Variants in PLCB1 observed in about 807,000 individuals in gnomAD.
PLCB1 encodes the protein phospholipase C beta 1.
A neutral mutation model predicts 161.8 loss-of-function variants in PLCB1; 46 were observed. The observed-to-expected ratio is 0.28, with a 90% CI of 0.22 to 0.36. The LOEUF is 0.36. Ranked by LOEUF, PLCB1 falls within the 10% of genes least tolerant of loss-of-function variation. The pLI, the probability that PLCB1 is intolerant of heterozygous loss-of-function variation, is 1.00. For synonymous variants in PLCB1, 517 were observed against 503.7 expected, an observed-to-expected ratio of 1.03 and a Z score of -0.35; for missense variants, 1,016 against 1,472.5, an observed-to-expected ratio of 0.69 and a Z score of 5.07.
chr20:8,513,259 C>A (rs1983969616), intron 3 of PLCB1, among the ~76,000 whole-genome samples: 1 of 152,104 alleles, frequency 6.6e-6, no homozygotes, highest in Non-Finnish European at 1.5e-5. Flanking sequence ...GTGGAGGCCA[C>A]ACAGGGATAT....
intron 2 of PLCB1, among the ~76,000 whole-genome samples, chr20:8,367,295 T>A (rs1001549807): frequency 6.6e-6 from 1 of 152,194 alleles, no homozygotes; most frequent in Admixed American, 6.5e-5. Context: ...AGTGAGTATA[T>A]AATTAGTGCT....
chr20:8,534,260 C>T (rs552436296), intron 3 of PLCB1, among the ~76,000 whole-genome samples: 38 of 152,234 alleles, frequency 2.5e-4, no homozygotes, highest in East Asian at 7.7e-4. Flanking sequence ...CTGCCATGCC[C>T]GGTTATTCTG....
rs547785707 is a variant in PLCB1, at chr20:8,640,424, C to T, written c.385-5678C>T. On this transcript the variant is annotated intron_variant, in intron 4 of 31. Transcript: ENST00000338037. ...ATGGAATTATTTTTGTAATGAACAA[C>T]GATATCAATTATAATTACAGACCCC... is the stretch of plus-strand genomic sequence containing the variant. 4.5e-4 allele frequency among the ~76,000 whole-genome samples: 68 copies of T among 152,154 alleles called. No homozygotes were observed. In the East Asian group the frequency reaches 0.01, roughly 22 times the overall value.
chr20:8,233,795 A>G lies in PLCB1; in HGVS notation c.177+83424A>G, dbSNP rs1430017609. Reference sequence around the variant, plus strand: ...ATCTTCTGGCTTTAACAGCATAGATAAGCTGTGCCTGTTTTATTCTTACGT... The same window carrying G: ...ATCTTCTGGCTTTAACAGCATAGATGAGCTGTGCCTGTTTTATTCTTACGT... On this transcript the variant is annotated intron_variant, in intron 2 of 31. Coordinates refer to ENST00000338037, the MANE Select transcript of PLCB1 (RefSeq NM_015192.4). Among the ~76,000 whole-genome samples the G allele has an allele frequency of 2.0e-5, 3 of 152,136 alleles. No homozygotes were observed. The East Asian group carries it at 5.8e-4, about 29-fold the overall frequency.
intron 31 of PLCB1, among the ~76,000 whole-genome samples, chr20:8,825,830 G>A (rs943371457): frequency 2.6e-5 from 4 of 152,162 alleles, no homozygotes; most frequent in Admixed American, 6.5e-5. Context: ...GTGTGGAGTC[G>A]GTTTATGACA....
intron 3 of PLCB1, among the ~76,000 whole-genome samples, chr20:8,500,177 A>G (rs1175592758): frequency 6.6e-6 from 1 of 152,220 alleles, no homozygotes; most frequent in Non-Finnish European, 1.5e-5. Flanking sequence ...GGAAACATCT[A>G]TCAAATCAGT....
chr20:8,226,137 T>A (rs1418080466), intron 2 of PLCB1, among the ~76,000 whole-genome samples: 1 of 152,128 alleles, frequency 6.6e-6, no homozygotes, highest in Non-Finnish European at 1.5e-5. Context: ...AAATTAAGTG[T>A]CTTTTGCAGG....
At chr20:8,409,923 T>G (rs995493695) in intron 3 of PLCB1, among the ~76,000 whole-genome samples, 2 of 152,164 alleles carry the variant, frequency 1.3e-5, no homozygotes, top group African/African-American at 2.4e-5. Flanking sequence ...TGAATCTGAT[T>G]TAATACACTT....
intron 3 of PLCB1, among the ~76,000 whole-genome samples, chr20:8,550,772 G>T (rs1379728723): frequency 6.6e-6 from 1 of 152,116 alleles, no homozygotes; most frequent in African/African-American, 2.4e-5. Flanking sequence ...AATTCACCAT[G>T]TATAATGAAT....
chr20:8,527,695 C>G (rs1411346390), intron 3 of PLCB1, among the ~76,000 whole-genome samples: 1 of 152,000 alleles, frequency 6.6e-6, no homozygotes, highest in East Asian at 1.9e-4. Flanking sequence ...TCATCTGGGC[C>G]ATAGTTGTTG....
rs71331317 is a variant in PLCB1 at position 8,614,584 on chromosome 20, CTGTGTGTGTGTGTGTGTG to C, written c.247-13684_247-13667del. On this transcript the variant is annotated intron_variant, in intron 3 of 31. Transcript: ENST00000338037. ...ACTTTGATTCTAGTTATGTAAAATT[CTGTGTGTGTGTGTGTGTG>C]TGTGTGTGTGTGTGTGTGTGTGTGT... Among the ~76,000 whole-genome samples the C allele has an allele frequency of 7.3e-4, 108 of 147,234 alleles. 1 individual carries two copies. The East Asian group carries it at 0.016, about 22-fold the overall frequency.
chr20:8,488,686 A>G (rs1016984496), intron 3 of PLCB1, among the ~76,000 whole-genome samples: 3 of 152,186 alleles, frequency 2.0e-5, no homozygotes, highest in Non-Finnish European at 4.4e-5. Flanking sequence ...GAATCATTTA[A>G]AACTTAATTG....
chr20:8,447,179 A>G (rs1487049646), intron 3 of PLCB1, among the ~76,000 whole-genome samples: 1 of 152,214 alleles, frequency 6.6e-6, no homozygotes, highest in Non-Finnish European at 1.5e-5. Context: ...ATATGGTGAC[A>G]TGCTGCCACT....
chr20:8,407,998 A>G (rs1452056154), intron 3 of PLCB1, among the ~76,000 whole-genome samples: 1 of 152,198 alleles, frequency 6.6e-6, no homozygotes, highest in East Asian at 1.9e-4. Flanking sequence ...TGATGAGTAA[A>G]TGCAATGTGG....
Position 8,788,623 on chromosome 20 carries a change from G to A in PLCB1, c.3189-10G>A. ...CTCTTTTTTCTCTTTTACTTCCATT[G>A]TGACTTCAGAGAAAAGAAAGAATTA... is the stretch of plus-strand genomic sequence containing the variant. On this transcript the variant is annotated splice_polypyrimidine_tract_variant and intron_variant, in intron 28 of 31. Coordinates refer to ENST00000338037, the MANE Select transcript of PLCB1 (RefSeq NM_015192.4). 1.2e-6 allele frequency: 2 copies of A among 1,602,236 alleles called. No homozygotes were observed. Among genetic ancestry groups the A allele is most frequent in the Non-Finnish European group, 1.7e-6 (2 of 1,172,668 alleles).
intron 3 of PLCB1, among the ~76,000 whole-genome samples, chr20:8,554,094 A>T (rs1360073387): frequency 1.3e-5 from 2 of 151,838 alleles, no homozygotes; most frequent in Non-Finnish European, 2.9e-5. Context: ...AAAAAAAAAA[A>T]CAGTAGTAAG....
intron 2 of PLCB1, among the ~76,000 whole-genome samples, chr20:8,215,154 T>A (rs1979049372): frequency 6.6e-6 from 1 of 152,054 alleles, no homozygotes; most frequent in African/African-American, 2.4e-5. Flanking sequence ...TTCTGATCTC[T>A]TGACCTTCTG....
chr20:8,433,724 A>ATCC lies in PLCB1; in HGVS notation c.246+62292_246+62294dup, dbSNP rs985845588. Among the ~76,000 whole-genome samples the ATCC allele has an allele frequency of 2.5e-4, 36 of 146,876 alleles. 1 individual carries two copies. Among genetic ancestry groups the ATCC allele is most frequent in the Middle Eastern group, 6.9e-3 (2 of 290 alleles). The stretch of plus-strand genomic sequence containing the variant: ...TCTCCTCTTCCTCCTCCTCCTCCTC[A>ATCC]TCCTCCTCCTCCTCCTCCTCATGGA... On this transcript the variant is annotated intron_variant, in intron 3 of 31. Transcript: ENST00000338037.
At chr20:8,384,196 A>G (rs1401127394) in intron 3 of PLCB1, among the ~76,000 whole-genome samples, 3 of 151,772 alleles carry the variant, frequency 2.0e-5, no homozygotes, top group Non-Finnish European at 4.4e-5. Context: ...ATAGTCCCAT[A>G]TCTCTTGGAG....
Sources: allele counts gnomAD v4.1 joint callset (sites outside exome capture counted in the v4.1 genomes callset), GRCh38; gene constraint gnomAD v4.1.1; transcripts MANE v1.5; gene names NCBI Gene and HGNC (gene_info 2026-07-23, HGNC 2026-07-21).